The following CCDC181 variants were observed in gnomAD, a reference collection of about 807,000 sequenced individuals.
The protein encoded by CCDC181 is coiled-coil domain-containing protein 181.
A neutral mutation model predicts 58.7 loss-of-function variants in CCDC181; 35 were observed. The observed-to-expected ratio is 0.60, with a 90% CI of 0.46 to 0.79. The LOEUF (loss-of-function observed/expected upper bound fraction) is 0.79. CCDC181 is among the 30% of genes least tolerant of loss of function. The pLI is 0.00. For missense variants in CCDC181, 517 were observed against 583.9 expected (o/e 0.89, Z 1.18); for synonymous variants, 183 against 197.5 (o/e 0.93, Z 0.62).
At chr1:169,395,278 T>C in intron 5 of CCDC181, 72 bp from the exon 6 acceptor site, 1 of 1,294,626 alleles carries the variant, frequency 7.7e-7, no homozygotes, top group Non-Finnish European at 1.0e-6. Context: ...AAAGTTACTA[T>C]TATAGACAAA....
chr1:169,440,401 T>A (rs761365426), intron 2 of CCDC181, among the ~76,000 whole-genome samples: 4 of 152,330 alleles, frequency 2.6e-5, no homozygotes, highest in Non-Finnish European at 5.9e-5. Flanking sequence ...GACAGGAGAA[T>A]TCCAATAGAG....
At chr1:169,431,580 A>C (rs748792401), upstream of CCDC181, among the ~76,000 whole-genome samples, 1 of 152,194 alleles carries the variant, frequency 6.6e-6, no homozygotes, top group Non-Finnish European at 1.5e-5. Context: ...GGAACTGTGG[A>C]GTCTATTAAA....
intron 2 of CCDC181, among the ~76,000 whole-genome samples, chr1:169,434,718 A>G (rs550050037): frequency 1.1e-4 from 16 of 152,176 alleles, no homozygotes; most frequent in African/African-American, 2.6e-4. Flanking sequence ...ATCATATTCA[A>G]TAGTGAAGGA....
At position 169,421,721 on chromosome 1, in the gene CCDC181, C is replaced by A. The variant is rs1174290259; in HGVS notation, c.710G>T (p.Gly237Val). Residue 237 changes from glycine to valine, a missense_variant, in exon 3 of 6, where the codon GGG (glycine) becomes GTG (valine). By Grantham distance (109) the Gly-to-Val change is moderately radical. Coordinates refer to ENST00000367806, the MANE Select transcript of CCDC181 (RefSeq NM_001300969.2). ...TGCATTATTAATGGGAGGCAAAAAC[C>A]CCTGACTGGCAATGTCTTGTAAATT... ...LLNLQDIASQ[G>V]FLPPINNANS... 3 of 1,613,928 alleles carry A rather than the reference C, an allele frequency of 1.9e-6. No homozygotes were observed. The East Asian group carries it at 6.7e-5, about 36-fold the overall frequency.
chr1:169,405,417 A>C (rs540727691), intron 4 of CCDC181, among the ~76,000 whole-genome samples: 3 of 152,296 alleles, frequency 2.0e-5, no homozygotes, highest in East Asian at 3.9e-4. Flanking sequence ...CACTGCAAGG[A>C]TACAGTAACC....
Position 169,421,513 on chromosome 1 carries a change from G to A in CCDC181, c.918C>T (p.Val306=). 1 of 1,614,096 alleles carries A rather than the reference G, an allele frequency of 6.2e-7. No individual in the cohort carries two copies. The highest frequency in any genetic ancestry group is 1.1e-5 in the South Asian group (1 of 91,082). ...LNRKTCPSSA[V]NSDRSKGNGK... is the part of the protein sequence containing the mutation. ...CATTCCCTTTACTTCGATCTGAGTT[G>A]ACAGCAGAGCTTGGACAAGTCTTGC... Residue 306 remains valine (V), a synonymous_variant, in exon 3 of 6, where the codon GTC becomes GTT. Coordinates refer to ENST00000367806, the MANE Select transcript of CCDC181 (RefSeq NM_001300969.2).
intron 2 of CCDC181, among the ~76,000 whole-genome samples, chr1:169,434,428 C>T (rs907696903): frequency 2.1e-4 from 32 of 151,778 alleles, no homozygotes; most frequent in Admixed American, 1.5e-3. Flanking sequence ...ATCCCATTTC[C>T]GAGCATATAC....
At chr1:169,411,863 C>G (rs892868740) in intron 4 of CCDC181, among the ~76,000 whole-genome samples, 27 of 152,098 alleles carry the variant, frequency 1.8e-4, no homozygotes, top group Non-Finnish European at 3.4e-4. Context: ...AAACTAGGTA[C>G]TGATGGCACG....
intron 2 of CCDC181, among the ~76,000 whole-genome samples, chr1:169,434,037 T>C (rs1656989810): frequency 6.6e-6 from 1 of 151,992 alleles, no homozygotes; most frequent in Non-Finnish European, 1.5e-5. Context: ...TATCTAATGT[T>C]CATAGGTATC....
chr1:169,408,067 G>A (rs889127895), intron 4 of CCDC181, among the ~76,000 whole-genome samples: 3 of 152,188 alleles, frequency 2.0e-5, no homozygotes, highest in Non-Finnish European at 2.9e-5. Flanking sequence ...CAGTGAGAGA[G>A]AACCATTCAC....
intron 2 of CCDC181, among the ~76,000 whole-genome samples, chr1:169,438,083 G>A (rs73049182): frequency 0.029 from 4,468 of 152,192 alleles, 183 homozygotes; most frequent in African/African-American, 0.1. Flanking sequence ...AAGCAGGCTT[G>A]TAGGTGTCCT....
chr1:169,427,789 A>C (rs1292181645), upstream of CCDC181, among the ~76,000 whole-genome samples: 2 of 152,258 alleles, frequency 1.3e-5, no homozygotes, highest in Non-Finnish European at 2.9e-5. Context: ...CAAATTGCTA[A>C]TGAGTTACCA....
At chr1:169,449,923 C>T (rs937982020) in intron 2 of CCDC181, among the ~76,000 whole-genome samples, 4 of 152,192 alleles carry the variant, frequency 2.6e-5, no homozygotes, top group African/African-American at 9.7e-5. Flanking sequence ...ATCAAGTTGA[C>T]ACTCAATATT....
At position 169,438,996 on chromosome 1, in the gene CCDC181, G is replaced by A. The variant is rs561654483; in HGVS notation, c.-23-14046C>T. 7.2e-5 allele frequency among the ~76,000 whole-genome samples: 11 copies of A among 152,256 alleles called. No homozygotes were observed. The East Asian group carries it at 1.5e-3, about 21-fold the overall frequency. ...GAAATCTCCCTGAAATCTTCCTGATGGAGAAGTCTCCTTAACCAAGACTCT... is the reference window on the plus strand; with the variant it reads ...GAAATCTCCCTGAAATCTTCCTGATAGAGAAGTCTCCTTAACCAAGACTCT... On this transcript the variant is annotated intron_variant, in intron 2 of 6. Transcript: ENST00000545005.
intron 2 of CCDC181, among the ~76,000 whole-genome samples, chr1:169,443,580 A>G (rs1367838409): frequency 6.6e-6 from 1 of 152,126 alleles, no homozygotes; most frequent in Admixed American, 6.6e-5. Context: ...ATATCTACCC[A>G]TATCATTGAA....
chr1:169,428,545 T>A (rs1419224735), upstream of CCDC181, among the ~76,000 whole-genome samples: 1 of 152,176 alleles, frequency 6.6e-6, no homozygotes, highest in Non-Finnish European at 1.5e-5. Flanking sequence ...CAGGTGGTGT[T>A]TGGTTACATG....
chr1:169,409,209 C>G (rs754682294), intron 4 of CCDC181, among the ~76,000 whole-genome samples: 1 of 152,096 alleles, frequency 6.6e-6, no homozygotes, highest in Non-Finnish European at 1.5e-5. Context: ...CCTGATGGAG[C>G]TGAAAAACAC....
At chr1:169,418,913 T>A in intron 4 of CCDC181, 100 bp downstream of exon 4, 1 of 931,254 alleles carries the variant, frequency 1.1e-6, no homozygotes, top group South Asian at 1.6e-5. Flanking sequence ...ACTTTTCTAC[T>A]TCTTCCATAG....
intron 2 of CCDC181, among the ~76,000 whole-genome samples, chr1:169,458,444 T>TA (rs1657741857): frequency 6.6e-6 from 1 of 152,160 alleles, no homozygotes; most frequent in Non-Finnish European, 1.5e-5. Flanking sequence ...TTATAAATGA[T>TA]ATAAATGAAC....
Sources: gnomAD v4.1 joint callset for allele counts (sites outside exome capture counted in the v4.1 genomes callset) on GRCh38, gnomAD v4.1.1 for gene constraint, MANE v1.5 for transcripts, NCBI Gene and HGNC (gene_info 2026-07-23, HGNC 2026-07-21) for gene names.